The following RAB9B variants were observed in gnomAD, a reference collection of about 807,000 sequenced individuals.
RAB9B encodes ras-related protein Rab-9B.
Under a neutral mutation model 8.9 loss-of-function variants are expected in RAB9B, and 1 was observed. The observed-to-expected ratio is 0.11, with a 90% confidence interval of 0.04 to 0.53. The LOEUF (loss-of-function observed/expected upper bound fraction) is 0.53. Ranked by LOEUF, RAB9B falls within the 20% of genes least tolerant of loss-of-function variation. The probability of loss-of-function intolerance (pLI) is 0.93; values close to 1 mark genes in which losing one functional copy is unlikely to be tolerated. For missense variants in RAB9B, 82 were observed against 152.9 expected (o/e 0.54, Z 2.45); for synonymous variants, 63 against 57.0 (o/e 1.10, Z -0.47).
intron 1 of RAB9B, among the ~76,000 whole-genome samples, chrX:103,830,137 T>C (rs1458163037): frequency 3.6e-5 from 4 of 110,715 alleles, no homozygotes; most frequent in Non-Finnish European, 7.6e-5. Context: ...AAAATAAGTA[T>C]ATACATTTCC....
the RAB9B span, among the ~76,000 whole-genome samples, chrX:103,807,998 T>G: frequency 3.6e-5 from 4 of 112,009 alleles, no homozygotes; most frequent in Non-Finnish European, 7.5e-5. Flanking sequence ...TATTGTACCT[T>G]GAGTGACTGA....
At chrX:103,787,733 C>T in the RAB9B span, 1 of 960,825 alleles carries the variant, frequency 1.0e-6, no homozygotes, top group Non-Finnish European at 1.5e-6. Flanking sequence ...CAGGATCTCC[C>T]AGTTTGTGTT....
the RAB9B span, among the ~76,000 whole-genome samples, chrX:103,805,596 G>C: frequency 9.0e-6 from 1 of 111,448 alleles, no homozygotes; most frequent in South Asian, 3.8e-4. Flanking sequence ...TAAGCTGTCT[G>C]GTCCTGGACT....
At chrX:103,785,978 C>A in the RAB9B span, 1 of 434,052 alleles carries the variant, frequency 2.3e-6, no homozygotes, top group Non-Finnish European at 4.0e-6. Context: ...GTCAGCCCCT[C>A]CCACCCCCGC....
chrX:103,800,701 G>A, the RAB9B span, among the ~76,000 whole-genome samples: 3,977 of 111,690 alleles, frequency 0.036, 164 homozygotes, highest in African/African-American at 0.12. Flanking sequence ...ATGTATCTGC[G>A]TGAGAGACCT....
chrX:103,777,550 G>T, the RAB9B span, among the ~76,000 whole-genome samples: 1 of 112,221 alleles, frequency 8.9e-6, no homozygotes, highest in Non-Finnish European at 1.9e-5. Context: ...CTTGACCATG[G>T]GAAACAGATA....
At chrX:103,822,220 G>A (rs1447615599), downstream of RAB9B, 2 of 111,842 alleles carry the variant, frequency 1.8e-5, no homozygotes, top group African/African-American at 3.2e-5. Flanking sequence ...TGATCCAGAG[G>A]CCACATCCAG....
the RAB9B span, among the ~76,000 whole-genome samples, chrX:103,807,889 A>C: frequency 4.5e-5 from 5 of 112,240 alleles, no homozygotes; most frequent in Admixed American, 2.8e-4. Context: ...TCCACCATTG[A>C]TTCCCAGTCC....
chrX:103,782,960 C>A, the RAB9B span, among the ~76,000 whole-genome samples: 16 of 112,217 alleles, frequency 1.4e-4, no homozygotes, highest in Admixed American at 2.8e-4. Flanking sequence ...TCTTCTCCCC[C>A]CATCCCCAGG....
the RAB9B span, chrX:103,785,779 G>A: frequency 8.4e-7 from 1 of 1,185,807 alleles, no homozygotes; most frequent in Non-Finnish European, 1.1e-6. Flanking sequence ...GTAAGTACCT[G>A]CCCTCCCACA....
chrX:103,795,957 A>G, the RAB9B span, among the ~76,000 whole-genome samples: 1 of 112,056 alleles, frequency 8.9e-6, no homozygotes, highest in Non-Finnish European at 1.9e-5. Context: ...TAAAGCAGGT[A>G]CCTCAGGATA....
rs2074678082 is a variant in RAB9B at position 103,825,065 on chromosome X, G to A, written c.*114C>T. 1.2e-6 allele frequency: 1 copy of A among 809,918 alleles called. No individual in the cohort carries two copies. Among genetic ancestry groups the A allele is most frequent in the Non-Finnish European group, 1.7e-6 (1 of 573,594 alleles). 66.7% of individuals were successfully genotyped at this position (809,918 alleles called of 1,213,427 possible). ...TTTGAAAGGCTCTGTTTCACAATCA[G>A]AACCTTGTCTCTTACCCTCTTGTGT... On this transcript the variant is annotated 3_prime_UTR_variant, in exon 3 of 3. Transcript: ENST00000243298.
the RAB9B span, chrX:103,776,942 A>G: frequency 8.6e-7 from 1 of 1,161,850 alleles, no homozygotes. Context: ...GAACAAAGTC[A>G]GCCACAAAGC....
chrX:103,815,675 T>C, the RAB9B span, among the ~76,000 whole-genome samples: 12 of 112,310 alleles, frequency 1.1e-4, no homozygotes, highest in African/African-American at 3.2e-4. Flanking sequence ...ATTGTATATT[T>C]AGAAAACACC....
At chrX:103,787,299 T>A in the RAB9B span, among the ~76,000 whole-genome samples, 1 of 111,467 alleles carries the variant, frequency 9.0e-6, no homozygotes, top group Non-Finnish European at 1.9e-5. Context: ...GAGTTAAAGA[T>A]CCTTTGGCGG....
downstream of RAB9B, among the ~76,000 whole-genome samples, chrX:103,820,316 GA>G (rs1369497666): frequency 1.8e-5 from 2 of 111,632 alleles, no homozygotes; most frequent in African/African-American, 3.3e-5. Context: ...AGCAAAGAGA[GA>G]AAAAAAGTGA....
chrX:103,786,381 T>G, the RAB9B span: 1 of 1,082,219 alleles, frequency 9.2e-7, no homozygotes, highest in East Asian at 3.0e-5. Context: ...CTCGCTCTGG[T>G]GTATACCTCA....
rs373478300 is a variant in RAB9B at position 103,826,482 on chromosome X, C to T, written c.-43+523G>A. 3.3e-4 allele frequency among the ~76,000 whole-genome samples: 37 copies of T among 111,974 alleles called. 3 individuals carry two copies. Among genetic ancestry groups the T allele is most frequent in the Admixed American group, 2.4e-3 (25 of 10,600 alleles). ...TGACAATTGACTGATATCAATATAA[C>T]AGCTGTCATGAAGGAAGGAAATCTT... is the stretch of plus-strand genomic sequence containing the variant. On this transcript the variant is annotated intron_variant, in intron 2 of 2. Transcript: ENST00000243298.
chrX:103,782,782 A>G, the RAB9B span, among the ~76,000 whole-genome samples: 16 of 60,290 alleles, frequency 2.7e-4, no homozygotes, highest in Non-Finnish European at 3.6e-4. Flanking sequence ...TTGTTCCCTG[A>G]GTCTGACCCC....
Sources: gnomAD v4.1 joint callset for allele counts (sites outside exome capture counted in the v4.1 genomes callset) on GRCh38, gnomAD v4.1.1 for gene constraint, MANE v1.5 for transcripts, NCBI Gene and HGNC (gene_info 2026-07-23, HGNC 2026-07-21) for gene names.